The following CTNNA3 variants were observed in gnomAD, a reference collection of about 807,000 sequenced individuals.
CTNNA3 encodes catenin alpha 3, also known as catenin alpha-3.
CTNNA3 carries 76 observed loss-of-function variants against 95.7 expected under a neutral mutation model. That is an observed-to-expected ratio of 0.79 (90% CI 0.66 to 0.96). CTNNA3 has a LOEUF of 0.96. Ranked by LOEUF, CTNNA3 falls within the 40% of genes least tolerant of loss-of-function variation. CTNNA3 has a pLI of 0.00. For missense variants in CTNNA3, 1,191 were observed against 1,089.8 expected (o/e 1.09, Z -1.31); for synonymous variants, 431 against 374.4 (o/e 1.15, Z -1.74).
At chr10:66,692,323 C>A (rs1053707874) in intron 9 of CTNNA3, among the ~76,000 whole-genome samples, 2 of 152,090 alleles carry the variant, frequency 1.3e-5, no homozygotes, top group African/African-American at 4.8e-5. Flanking sequence ...AATGCAGAAG[C>A]CTCAGAGCCG....
intron 11 of CTNNA3, among the ~76,000 whole-genome samples, chr10:66,498,353 C>G (rs939891910): frequency 3.3e-5 from 5 of 152,040 alleles, no homozygotes; most frequent in African/African-American, 1.2e-4. Flanking sequence ...TATTTACTTA[C>G]TACCTAAAAC....
intron 7 of CTNNA3, among the ~76,000 whole-genome samples, chr10:67,150,808 C>T (rs1397451729): frequency 1.3e-5 from 2 of 152,160 alleles, no homozygotes; most frequent in African/African-American, 4.8e-5. Context: ...GCCAACAACA[C>T]ATCATGTTTA....
At chr10:66,450,512 T>C (rs548910294) in intron 11 of CTNNA3, among the ~76,000 whole-genome samples, 30 of 152,236 alleles carry the variant, frequency 2.0e-4, no homozygotes, top group African/African-American at 6.7e-4. Flanking sequence ...AATAACGTTG[T>C]ATTCATTTCA....
chr10:67,493,214 A>T (rs1014956602), intron 5 of CTNNA3, among the ~76,000 whole-genome samples: 1 of 151,038 alleles, frequency 6.6e-6, no homozygotes, highest in Non-Finnish European at 1.5e-5. Context: ...CGTGGGGGAA[A>T]AAAAAAAAAA....
intron 1 of CTNNA3, among the ~76,000 whole-genome samples, chr10:67,672,347 G>A (rs1163952115): frequency 6.6e-6 from 1 of 152,150 alleles, no homozygotes; most frequent in Non-Finnish European, 1.5e-5. Flanking sequence ...CTGCTGTGCA[G>A]AAGCTCTTGA....
intron 16 of CTNNA3, among the ~76,000 whole-genome samples, chr10:65,980,970 A>G (rs117070436): frequency 3.4e-4 from 51 of 152,184 alleles, no homozygotes; most frequent in Non-Finnish European, 6.9e-4. Flanking sequence ...TGTATTCAAC[A>G]GGACTCTGGA....
At chr10:66,247,418 A>T (rs2090379117) in intron 13 of CTNNA3, among the ~76,000 whole-genome samples, 1 of 152,176 alleles carries the variant, frequency 6.6e-6, no homozygotes, top group Non-Finnish European at 1.5e-5. Context: ...TTTCTATAGG[A>T]TTAGAAAGTT....
At chr10:66,814,725 C>T (rs533065897) in intron 7 of CTNNA3, among the ~76,000 whole-genome samples, 2 of 152,130 alleles carry the variant, frequency 1.3e-5, no homozygotes, top group South Asian at 4.1e-4. Flanking sequence ...GATCGCACCA[C>T]TGTACTCCAG....
intron 13 of CTNNA3, among the ~76,000 whole-genome samples, chr10:66,189,478 C>T (rs1370609323): frequency 6.6e-6 from 1 of 151,482 alleles, no homozygotes; most frequent in East Asian, 1.9e-4. Flanking sequence ...GTCTTCTTGG[C>T]TCCACTGTTG....
intron 7 of CTNNA3, among the ~76,000 whole-genome samples, chr10:67,144,276 T>C (rs766041289): frequency 2.0e-5 from 3 of 152,210 alleles, no homozygotes; most frequent in Non-Finnish European, 2.9e-5. Flanking sequence ...ACAGTGTGGG[T>C]TTAGCATAAT....
intron 5 of CTNNA3, among the ~76,000 whole-genome samples, chr10:67,297,694 G>A (rs1226450931): frequency 6.6e-6 from 1 of 152,148 alleles, no homozygotes; most frequent in African/African-American, 2.4e-5. Context: ...GGCATTCTGG[G>A]TCTCTCAGGC....
At chr10:66,987,083 G>A (rs549146971) in intron 7 of CTNNA3, among the ~76,000 whole-genome samples, 6 of 152,176 alleles carry the variant, frequency 3.9e-5, no homozygotes, top group Non-Finnish European at 7.3e-5. Flanking sequence ...AAGTCCCGAC[G>A]TGAAGTCCTT....
chr10:66,831,926 A>C (rs1247768090), intron 7 of CTNNA3, among the ~76,000 whole-genome samples: 1 of 152,168 alleles, frequency 6.6e-6, no homozygotes, highest in African/African-American at 2.4e-5. Context: ...AAGCAGATTA[A>C]AGAAGACAAG....
At chr10:66,069,986 T>G (rs149782821) in intron 14 of CTNNA3, among the ~76,000 whole-genome samples, 1 of 152,186 alleles carries the variant, frequency 6.6e-6, no homozygotes, top group Admixed American at 6.6e-5. Flanking sequence ...GCTTTTAGTT[T>G]GAATTTTCTG....
intron 7 of CTNNA3, among the ~76,000 whole-genome samples, chr10:66,970,196 A>C (rs1034185156): frequency 6.6e-6 from 1 of 152,172 alleles, no homozygotes; most frequent in African/African-American, 2.4e-5. Context: ...AAACTAGAGC[A>C]AGGTCAGTTG....
At chr10:67,238,665 C>T (rs776407471) in intron 5 of CTNNA3, among the ~76,000 whole-genome samples, 11 of 152,136 alleles carry the variant, frequency 7.2e-5, no homozygotes, top group Middle Eastern at 3.4e-3. Context: ...TATTGGAAAA[C>T]GCATGATAAA....
chr10:67,632,079 A>C (rs1274680676), intron 2 of CTNNA3, among the ~76,000 whole-genome samples: 1 of 149,834 alleles, frequency 6.7e-6, no homozygotes, highest in African/African-American at 2.5e-5. Flanking sequence ...AACATATTGT[A>C]TTCTTTACTT....
intron 5 of CTNNA3, among the ~76,000 whole-genome samples, chr10:67,296,934 C>CAAAAAAAAAAAAAAAAAAAAAA (rs1210482029): frequency 1.7e-4 from 3 of 17,664 alleles, no homozygotes; most frequent in Admixed American, 6.1e-4. Flanking sequence ...AACGCTGTCT[C>CAAAAAAAAAAAAAAAAAAAAAA]AAAAAAAAAA....
rs185444085 is a variant in CTNNA3, at chr10:67,207,541, C to G, written c.843+12066G>C. The stretch of plus-strand genomic sequence containing the variant: ...CCTCTGTGGGAATTGTAACAGAACT[C>G]AGGATGAGTTCTGCTACCAGAAAAA... On this transcript the variant is annotated intron_variant, in intron 6 of 17. Coordinates refer to ENST00000433211, the MANE Select transcript of CTNNA3 (RefSeq NM_013266.4). Among the ~76,000 whole-genome samples the G allele has an allele frequency of 1.1e-3, 160 of 152,254 alleles. 2 individuals are homozygous for G. The highest frequency in any genetic ancestry group is 0.01 in the Admixed American group (157 of 15,304).
Sources: allele counts gnomAD v4.1 joint callset (sites outside exome capture counted in the v4.1 genomes callset), GRCh38; gene constraint gnomAD v4.1.1; transcripts MANE v1.5; gene names NCBI Gene and HGNC (gene_info 2026-07-23, HGNC 2026-07-21).